The following OPRD1 variants were observed in gnomAD, a reference collection of about 807,000 sequenced individuals.
The protein encoded by OPRD1 is opioid receptor delta 1, also known as delta-type opioid receptor.
A neutral mutation model predicts 17.5 loss-of-function variants in OPRD1; 19 were observed. That is an observed-to-expected ratio of 1.09 (90% CI 0.76 to 1.60). The LOEUF (loss-of-function observed/expected upper bound fraction) is 1.60. Among genes scored for constraint, OPRD1 ranks in the 40% most tolerant of loss-of-function variants. The probability of loss-of-function intolerance (pLI) is 0.00; values close to 1 mark genes in which losing one functional copy is unlikely to be tolerated. For synonymous variants in OPRD1, 256 were observed against 240.9 expected (o/e 1.06, Z -0.58); for missense variants, 483 against 547.2 (o/e 0.88, Z 1.17).
At chr1:28,817,151 C>A (rs551719742) in intron 1 of OPRD1, among the ~76,000 whole-genome samples, 2 of 152,322 alleles carry the variant, frequency 1.3e-5, no homozygotes, top group Admixed American at 1.3e-4. Context: ...CAGCCCATGT[C>A]TCTTCTGATT....
At chr1:28,844,493 G>C (rs758650052) in intron 1 of OPRD1, among the ~76,000 whole-genome samples, 5 of 152,020 alleles carry the variant, frequency 3.3e-5, no homozygotes, top group Non-Finnish European at 5.9e-5. Flanking sequence ...GTTTTGCCAT[G>C]TTGGCCAGGC....
chr1:28,838,500 A>G (rs1396277714), intron 1 of OPRD1, among the ~76,000 whole-genome samples: 1 of 152,106 alleles, frequency 6.6e-6, no homozygotes, highest in Non-Finnish European at 1.5e-5. Context: ...TACCCATCAG[A>G]GCCTCTTCCA....
intron 1 of OPRD1, among the ~76,000 whole-genome samples, chr1:28,837,179 A>G (rs2088860368): frequency 1.3e-5 from 2 of 152,142 alleles, no homozygotes; most frequent in Admixed American, 6.5e-5. Context: ...TCCCTTGCAT[A>G]TGTAGTTCAC....
chr1:28,830,651 T>C (rs1287957952), intron 1 of OPRD1, among the ~76,000 whole-genome samples: 2 of 152,212 alleles, frequency 1.3e-5, no homozygotes, highest in Non-Finnish European at 2.9e-5. Flanking sequence ...GAGCACTTGC[T>C]GTTGGAATAA....
chr1:28,858,858 TTG>T, intron 1 of OPRD1, 94 bp from the exon 2 acceptor site: 1 of 1,241,234 alleles, frequency 8.1e-7, no homozygotes, highest in Non-Finnish European at 1.1e-6. Flanking sequence ...CCCTGACCTT[TTG>T]CATGTCCTTA....
intron 1 of OPRD1, among the ~76,000 whole-genome samples, chr1:28,824,033 C>G (rs1265640156): frequency 6.6e-6 from 1 of 151,136 alleles, no homozygotes; most frequent in East Asian, 2.1e-4. Context: ...AAAAAGTTAG[C>G]CGGGCGGTAG....
chr1:28,852,627 A>G (rs1569645422), intron 1 of OPRD1, among the ~76,000 whole-genome samples: 1 of 151,994 alleles, frequency 6.6e-6, no homozygotes, highest in Non-Finnish European at 1.5e-5. Flanking sequence ...CTATGGTTGC[A>G]CCTGTGAATA....
At chr1:28,848,815 G>C (rs2088974700) in intron 1 of OPRD1, among the ~76,000 whole-genome samples, 1 of 152,140 alleles carries the variant, frequency 6.6e-6, no homozygotes, top group African/African-American at 2.4e-5. Context: ...TTGTGTCTCA[G>C]TTTACCTTCT....
intron 1 of OPRD1, among the ~76,000 whole-genome samples, chr1:28,819,302 G>A (rs2088693639): frequency 6.6e-6 from 1 of 152,014 alleles, no homozygotes; most frequent in African/African-American, 2.4e-5. Context: ...AAAGGAAGGA[G>A]GCAGCAGGAG....
At chr1:28,854,176 C>T (rs1010020014) in intron 1 of OPRD1, among the ~76,000 whole-genome samples, 2 of 152,138 alleles carry the variant, frequency 1.3e-5, no homozygotes, top group African/African-American at 4.8e-5. Context: ...TGTGGCCAGA[C>T]CCGGGATGGC....
chr1:28,818,447 A>C (rs2124258011), intron 1 of OPRD1, among the ~76,000 whole-genome samples: 1 of 152,234 alleles, frequency 6.6e-6, no homozygotes, highest in Admixed American at 6.5e-5. Flanking sequence ...AGACCCAGCC[A>C]GAGGAGGGGA....
At chr1:28,860,701 C>T (rs1569657172) in intron 2 of OPRD1, among the ~76,000 whole-genome samples, 1 of 152,286 alleles carries the variant, frequency 6.6e-6, no homozygotes, top group Middle Eastern at 3.4e-3. Context: ...CTTAGGGTCA[C>T]ACAGCCAGGC....
At chr1:28,820,258 A>G (rs529884937) in intron 1 of OPRD1, among the ~76,000 whole-genome samples, 3 of 148,266 alleles carry the variant, frequency 2.0e-5, no homozygotes, top group South Asian at 2.1e-4. Context: ...GCAGTGACGC[A>G]ATCTTGGCTC....
At position 28,858,911 on chromosome 1, in the gene OPRD1, A is replaced by G. The variant is rs762686120; in HGVS notation, c.228-43A>G. On this transcript the variant is annotated intron_variant, in intron 1 of 2. Transcript: ENST00000234961. ...TTCCTTGAGTTTCATGTGAAACTGA[A>G]ATCTGTGAAATGGGATTAATTACAC... 5.2e-6 allele frequency: 8 copies of G among 1,551,792 alleles called. No homozygotes were observed. In the Admixed American group the frequency reaches 1.0e-4, roughly 20 times the overall value.
At chr1:28,841,968 C>T (rs1179868164) in intron 1 of OPRD1, among the ~76,000 whole-genome samples, 3 of 151,542 alleles carry the variant, frequency 2.0e-5, no homozygotes, top group South Asian at 2.1e-4. Flanking sequence ...AAGTGATTCA[C>T]CCACCTCAGC....
At position 28,812,554 on chromosome 1, in the gene OPRD1, G is replaced by C. The variant is rs553712768; in HGVS notation, c.171G>C (p.Ser57=). 10 of 1,582,576 alleles carry C rather than the reference G, an allele frequency of 6.3e-6. No homozygotes were observed. In the South Asian group the frequency reaches 1.1e-4, roughly 18 times the overall value. Residue 57 remains serine, a synonymous_variant, in exon 1 of 3, where the codon TCG becomes TCC. Coordinates refer to ENST00000234961, the MANE Select transcript of OPRD1 (RefSeq NM_000911.4). ...ALAIAITALY[S]AVCAVGLLGN... is the part of the protein sequence containing the mutation. ...CAATCGCCATCACCGCGCTCTACTC[G>C]GCCGTGTGCGCCGTGGGGCTGCTGG...
chr1:28,865,759 G>A lies in OPRD1; in HGVS notation c.*2476G>A, dbSNP rs1257910614. Reference sequence around the variant, plus strand: ...AGGGTGGGAGGTCGTCAGCATGGCAGGAGACACTTCTCCTCATCAGGGGTC... The same window carrying A: ...AGGGTGGGAGGTCGTCAGCATGGCAAGAGACACTTCTCCTCATCAGGGGTC... On this transcript the variant is annotated 3_prime_UTR_variant, in exon 3 of 3. Transcript: ENST00000234961. 1 of 152,176 alleles carries A rather than the reference G, an allele frequency of 6.6e-6. No homozygotes were observed. Among genetic ancestry groups the A allele is most frequent in the East Asian group, 1.9e-4 (1 of 5,194 alleles). The allele number at this position is 152,176 out of a possible 1,614,324, so 9.4% of individuals were successfully genotyped here. A position where few individuals can be genotyped will look rare whatever the true frequency, so the allele number is the denominator to read the frequency against.
intron 1 of OPRD1, among the ~76,000 whole-genome samples, chr1:28,848,203 C>T (rs554416255): frequency 2.0e-5 from 3 of 151,754 alleles, no homozygotes; most frequent in Non-Finnish European, 4.4e-5. Flanking sequence ...GAGCCGAGAT[C>T]GTGCCACTGC....
chr1:28,840,028 G>A (rs559214981), intron 1 of OPRD1, among the ~76,000 whole-genome samples: 6 of 152,170 alleles, frequency 3.9e-5, no homozygotes, highest in South Asian at 2.1e-4. Flanking sequence ...TCCAGTAAGC[G>A]CTGTGTCTCC....
Sources: allele counts gnomAD v4.1 joint callset (sites outside exome capture counted in the v4.1 genomes callset), GRCh38; gene constraint gnomAD v4.1.1; transcripts MANE v1.5; gene names NCBI Gene and HGNC (gene_info 2026-07-23, HGNC 2026-07-21).